The following ASZ1 variants were observed in gnomAD, a reference collection of about 807,000 sequenced individuals.
ASZ1 encodes ankyrin repeat, SAM and basic leucine zipper domain containing 1.
Under a neutral mutation model 61.8 loss-of-function variants are expected in ASZ1, and 67 were observed. That is an observed-to-expected ratio of 1.08 (90% CI 0.89 to 1.33). The LOEUF (loss-of-function observed/expected upper bound fraction) is 1.33. ASZ1 is among the 40% of genes most tolerant of loss of function. ASZ1 has a pLI of 0.00. For missense variants in ASZ1, 577 were observed against 554.5 expected, an observed-to-expected ratio of 1.04 and a Z score of -0.41; for synonymous variants, 193 against 192.7, an observed-to-expected ratio of 1.00 and a Z score of -0.01.
At chr7:117,367,042 T>G (rs990015497) in intron 12 of ASZ1, among the ~76,000 whole-genome samples, 1 of 152,194 alleles carries the variant, frequency 6.6e-6, no homozygotes, top group Non-Finnish European at 1.5e-5. Context: ...TGCCAAACTG[T>G]TTTTGAAAGG....
At chr7:117,389,462 T>C (rs960631747) in intron 4 of ASZ1, among the ~76,000 whole-genome samples, 1 of 152,180 alleles carries the variant, frequency 6.6e-6, no homozygotes, top group Non-Finnish European at 1.5e-5. Context: ...TTTCTACTTT[T>C]CCCACCAGGC....
chr7:117,380,789 C>A (rs1156795195), intron 9 of ASZ1, among the ~76,000 whole-genome samples: 4 of 151,408 alleles, frequency 2.6e-5, no homozygotes, highest in Non-Finnish European at 5.9e-5. Flanking sequence ...CTGAAAAAAA[C>A]AAAAACAAAA....
At chr7:117,390,087 AG>A (rs1340031087) in intron 4 of ASZ1, among the ~76,000 whole-genome samples, 1 of 151,950 alleles carries the variant, frequency 6.6e-6, no homozygotes, top group Non-Finnish European at 1.5e-5. Flanking sequence ...ATGGCTGTAT[AG>A]TATTCCATGA....
At chr7:117,370,819 T>TGTGC (rs1796036563) in intron 10 of ASZ1, among the ~76,000 whole-genome samples, 1 of 150,490 alleles carries the variant, frequency 6.6e-6, no homozygotes, top group Non-Finnish European at 1.5e-5. Context: ...TGTGTGTGTG[T>TGTGC]GTGTGTGTGT....
chr7:117,419,043 T>C (rs1319861257), intron 4 of ASZ1, among the ~76,000 whole-genome samples: 1 of 152,144 alleles, frequency 6.6e-6, no homozygotes, highest in Non-Finnish European at 1.5e-5. Context: ...ACTCAATACA[T>C]CTTGGCCCTT....
At chr7:117,421,492 A>G (rs1584744848) in intron 3 of ASZ1, among the ~76,000 whole-genome samples, 1 of 152,190 alleles carries the variant, frequency 6.6e-6, no homozygotes. Context: ...TATTGCTAGG[A>G]TTATAAGCAT....
intron 4 of ASZ1, among the ~76,000 whole-genome samples, chr7:117,397,513 T>A (rs916074516): frequency 6.6e-6 from 1 of 152,224 alleles, no homozygotes; most frequent in African/African-American, 2.4e-5. Context: ...TGTCACTATG[T>A]ATGTCCTCTC....
chr7:117,403,737 T>G (rs899120837), intron 4 of ASZ1, among the ~76,000 whole-genome samples: 5 of 152,116 alleles, frequency 3.3e-5, no homozygotes, highest in African/African-American at 1.2e-4. Context: ...TTGGCTCCAG[T>G]ATCCACTATA....
chr7:117,369,429 AAG>A (rs1373452625), intron 10 of ASZ1, among the ~76,000 whole-genome samples: 1 of 152,226 alleles, frequency 6.6e-6, no homozygotes, highest in Non-Finnish European at 1.5e-5. Flanking sequence ...TAGAGTTACT[AAG>A]AGATTTTCAA....
intron 4 of ASZ1, among the ~76,000 whole-genome samples, chr7:117,419,903 A>C (rs1380990193): frequency 6.6e-6 from 1 of 152,206 alleles, no homozygotes; most frequent in Non-Finnish European, 1.5e-5. Context: ...TTCACAAGAA[A>C]AGATACTATA....
At chr7:117,403,305 G>A (rs761894998) in intron 4 of ASZ1, among the ~76,000 whole-genome samples, 14 of 152,162 alleles carry the variant, frequency 9.2e-5, no homozygotes, top group Non-Finnish European at 1.5e-4. Context: ...AGGCCATACA[G>A]GGTTGTTGTA....
At chr7:117,363,904 A>C (rs1433133492) in intron 12 of ASZ1, among the ~76,000 whole-genome samples, 156 bp from the exon 13 acceptor site, 1 of 152,206 alleles carries the variant, frequency 6.6e-6, no homozygotes, top group African/African-American at 2.4e-5. Flanking sequence ...TAAAGTAAAC[A>C]TATATGTCTG....
intron 4 of ASZ1, among the ~76,000 whole-genome samples, chr7:117,408,977 T>C (rs920749219): frequency 3.3e-5 from 5 of 152,182 alleles, no homozygotes; most frequent in African/African-American, 1.2e-4. Context: ...TTTTGTAAAT[T>C]AGATCTCAGT....
chr7:117,384,906 T>C lies in ASZ1; in HGVS notation c.553-46A>G, dbSNP rs748012948. On this transcript the variant is annotated intron_variant, in intron 5 of 12. Transcript: ENST00000284629. The stretch of plus-strand genomic sequence containing the variant: ...AGATTGTTTAAAGAGAAGGAGTGTA[T>C]ATGAGACAGACAGGAAAAGTTTTCA... 12 of 1,479,396 alleles carry C rather than the reference T, an allele frequency of 8.1e-6. No individual in the cohort carries two copies. In the South Asian group the frequency reaches 1.0e-4, roughly 12 times the overall value. 91.6% of individuals were successfully genotyped at this position (1,479,396 alleles called of 1,614,324 possible). A position where few individuals can be genotyped will look rare whatever the true frequency, so the allele number is the denominator to read the frequency against.
chr7:117,409,589 T>C (rs1796854946), intron 4 of ASZ1, among the ~76,000 whole-genome samples: 1 of 151,934 alleles, frequency 6.6e-6, no homozygotes, highest in Admixed American at 6.6e-5. Context: ...TTAATGACAC[T>C]GTTATCTGTT....
At chr7:117,385,555 C>T in intron 5 of ASZ1, 143 bp downstream of exon 5, 1 of 689,614 alleles carries the variant, frequency 1.5e-6, no homozygotes, top group Non-Finnish European at 2.4e-6. Flanking sequence ...GTCACCATAC[C>T]CTTCTATTTC....
intron 10 of ASZ1, among the ~76,000 whole-genome samples, chr7:117,370,228 C>A (rs1000430522): frequency 2.6e-5 from 4 of 152,014 alleles, no homozygotes; most frequent in Non-Finnish European, 5.9e-5. Context: ...CCTTCAATTG[C>A]GAAGGTAGCA....
intron 8 of ASZ1, 132 bp downstream of exon 8, chr7:117,381,937 T>G (rs1307914659): frequency 3.2e-6 from 2 of 618,710 alleles, no homozygotes; most frequent in Non-Finnish European, 5.8e-6. Flanking sequence ...AAAATTGGGA[T>G]GTACTACAAA....
At chr7:117,389,563 G>T (rs1370024075) in intron 4 of ASZ1, among the ~76,000 whole-genome samples, 1 of 152,108 alleles carries the variant, frequency 6.6e-6, no homozygotes, top group East Asian at 1.9e-4. Context: ...GAGAGATACA[G>T]CTCCCACTTA....
Sources: gnomAD v4.1 joint callset for allele counts (sites outside exome capture counted in the v4.1 genomes callset) on GRCh38, gnomAD v4.1.1 for gene constraint, MANE v1.5 for transcripts, NCBI Gene and HGNC (gene_info 2026-07-23, HGNC 2026-07-21) for gene names.